ARHGAP26: variants seen among roughly 807,000 people sequenced by gnomAD.
ARHGAP26 encodes Rho GTPase activating protein 26, also known as rho GTPase-activating protein 26.
In ARHGAP26, 38 loss-of-function variants were observed where a neutral mutation model predicts 104.8. That is an observed-to-expected ratio of 0.36 (90% confidence interval 0.28 to 0.48). The LOEUF is 0.48. Ranked by LOEUF, ARHGAP26 falls within the 20% of genes least tolerant of loss-of-function variation. ARHGAP26 has a pLI of 0.99. For missense variants in ARHGAP26, 704 were observed against 947.9 expected (o/e 0.74, Z 3.38); for synonymous variants, 341 against 340.0 (o/e 1.00, Z -0.03).
Position 142,894,283 on chromosome 5 carries a change from TCC to T in ARHGAP26, c.534_535del (p.Leu179GlyfsTer16). 1 of 1,614,146 alleles carries T rather than the reference TCC, an allele frequency of 6.2e-7. No homozygotes were observed. The highest frequency in any genetic ancestry group is 8.5e-7 in the Non-Finnish European group (1 of 1,180,000). ...DLVRQHFYEV[S>X]LEYVFKVQEV... ...GGTCCGGCAGCATTTCTATGAAGTA[TCC>T]CTGGAATATGTCTTCAAGGTGCAGG... On this transcript the variant is annotated frameshift_variant, in exon 6 of 23. Coordinates refer to ENST00000645722, the MANE Select transcript of ARHGAP26 (RefSeq NM_001135608.3). LOFTEE classifies it high-confidence loss of function.
intron 1 of ARHGAP26, among the ~76,000 whole-genome samples, chr5:142,855,952 A>G (rs761955484): frequency 6.6e-6 from 1 of 152,238 alleles, no homozygotes; most frequent in African/African-American, 2.4e-5. Context: ...TCTTTATGGC[A>G]TAGTCTACTC....
intron 5 of ARHGAP26, among the ~76,000 whole-genome samples, chr5:142,889,317 C>T (rs887591311): frequency 1.3e-5 from 2 of 152,094 alleles, no homozygotes; most frequent in African/African-American, 2.4e-5. Context: ...ACTTTATATT[C>T]TAGTAGTCTA....
intron 14 of ARHGAP26, among the ~76,000 whole-genome samples, chr5:143,043,559 C>T (rs1027415382): frequency 1.3e-5 from 2 of 151,960 alleles, no homozygotes; most frequent in African/African-American, 2.4e-5. Flanking sequence ...GATAAATGTC[C>T]GAGTGTGCAA....
chr5:142,840,385 C>T (rs908484919), intron 1 of ARHGAP26, among the ~76,000 whole-genome samples: 3 of 151,988 alleles, frequency 2.0e-5, no homozygotes, highest in Non-Finnish European at 4.4e-5. Context: ...GAAATAAATC[C>T]TTAGTCTTTG....
chr5:142,801,982 A>G (rs1350202343), intron 1 of ARHGAP26, among the ~76,000 whole-genome samples: 1 of 152,198 alleles, frequency 6.6e-6, no homozygotes, highest in East Asian at 1.9e-4. Context: ...GAGAGAGGAT[A>G]AAAACTAGAT....
intron 12 of ARHGAP26, 95 bp downstream of exon 12, chr5:143,014,211 G>A (rs1779279933): frequency 2.8e-6 from 4 of 1,428,680 alleles, no homozygotes; most frequent in African/African-American, 1.4e-5. Context: ...GCGGTGCTGT[G>A]GGCGTGTTGG....
intron 1 of ARHGAP26, among the ~76,000 whole-genome samples, chr5:142,811,971 A>G (rs907162352): frequency 6.6e-6 from 1 of 152,182 alleles, no homozygotes; most frequent in African/African-American, 2.4e-5. Flanking sequence ...TAGCACTCGA[A>G]GAACTCCTGG....
intron 11 of ARHGAP26, among the ~76,000 whole-genome samples, chr5:143,007,058 A>T (rs1778078563): frequency 6.6e-6 from 1 of 151,950 alleles, no homozygotes; most frequent in Non-Finnish European, 1.5e-5. Flanking sequence ...AAAATACAAA[A>T]AATTAGCCAG....
At chr5:142,884,631 G>A (rs1167274474) in intron 4 of ARHGAP26, among the ~76,000 whole-genome samples, 1 of 152,178 alleles carries the variant, frequency 6.6e-6, no homozygotes, top group African/African-American at 2.4e-5. Context: ...CTTATTGGAT[G>A]TTCCGTACTT....
intron 11 of ARHGAP26, among the ~76,000 whole-genome samples, chr5:143,010,012 A>G (rs893099053): frequency 1.3e-5 from 2 of 152,208 alleles, no homozygotes; most frequent in Non-Finnish European, 2.9e-5. Context: ...GCTAATCATA[A>G]GACAAAGCTA....
rs1410915747 is a variant in ARHGAP26 at position 143,214,099 on chromosome 5, C to T, written c.2191+11C>T. 7 of 1,330,956 alleles carry T rather than the reference C, an allele frequency of 5.3e-6. No homozygotes were observed. The highest frequency in any genetic ancestry group is 7.3e-6 in the Non-Finnish European group (7 of 961,474). 82.4% of individuals were successfully genotyped at this position (1,330,956 alleles called of 1,614,324 possible). On this transcript the variant is annotated intron_variant, in intron 22 of 22. Coordinates refer to ENST00000645722, the MANE Select transcript of ARHGAP26 (RefSeq NM_001135608.3). Reference sequence around the variant, plus strand: ...CGGTCTTCGATAACGGTGAGTTTCTCATCCCCTCACAAAGATATGGGCGGG... The same window carrying T: ...CGGTCTTCGATAACGGTGAGTTTCTTATCCCCTCACAAAGATATGGGCGGG...
At chr5:142,852,254 G>A (rs995746956) in intron 1 of ARHGAP26, among the ~76,000 whole-genome samples, 1 of 152,258 alleles carries the variant, frequency 6.6e-6, no homozygotes, top group African/African-American at 2.4e-5. Context: ...GATCTCAGGT[G>A]GGAGTCATTC....
At chr5:143,103,370 G>GTCATATACCTCTGTTTGATTTCTTCA (rs1793538846) in intron 17 of ARHGAP26, 1 of 286,896 alleles carries the variant, frequency 3.5e-6, no homozygotes, top group African/African-American at 2.3e-5. Flanking sequence ...TTCAACCATT[G>GTCATATACCTCTGTTTGATTTCTTCA]TGGAAGACAG....
At chr5:143,170,473 A>G (rs1025451526) in intron 20 of ARHGAP26, 20 of 152,266 alleles carry the variant, frequency 1.3e-4, no homozygotes, top group African/African-American at 4.8e-4. Context: ...GGAAAATTCC[A>G]CCTCAGTTTG....
chr5:142,910,037 A>G (rs751500059), intron 9 of ARHGAP26, among the ~76,000 whole-genome samples: 1 of 152,230 alleles, frequency 6.6e-6, no homozygotes, highest in Non-Finnish European at 1.5e-5. Flanking sequence ...TTAGTATATA[A>G]AAATTTTTTG....
intron 11 of ARHGAP26, among the ~76,000 whole-genome samples, chr5:142,965,030 T>G (rs1413739764): frequency 6.6e-6 from 1 of 152,164 alleles, no homozygotes; most frequent in Non-Finnish European, 1.5e-5. Context: ...ACATGTCCAC[T>G]GGACAAGGGG....
chr5:142,888,959 T>G lies in ARHGAP26; in HGVS notation c.486+3560T>G, dbSNP rs544089428. ...TCAAGTGGCAGGCAGGGAAACTGTC[T>G]TGAGCGGTCTGCAGGGTGGGTTGGG... On this transcript the variant is annotated intron_variant, in intron 5 of 22. Transcript: ENST00000645722. Among the ~76,000 whole-genome samples, 3 of 152,312 alleles carry G rather than the reference T, an allele frequency of 2.0e-5. No individual in the cohort carries two copies. In the East Asian group the frequency reaches 5.8e-4, roughly 29 times the overall value.
At chr5:143,066,951 C>T (rs1787579444) in intron 17 of ARHGAP26, among the ~76,000 whole-genome samples, 1 of 152,014 alleles carries the variant, frequency 6.6e-6, no homozygotes. Flanking sequence ...TTCAAATGCT[C>T]TGTGGGGTGG....
chr5:143,022,290 C>T lies in ARHGAP26; in HGVS notation c.1144+8174C>T, dbSNP rs192376512. The stretch of plus-strand genomic sequence containing the variant: ...GTTTCACCATGTTGGCCAGGCTGGT[C>T]TCGGACTCCTGACCTCAGGTGATCC... On this transcript the variant is annotated intron_variant, in intron 12 of 22. Transcript: ENST00000645722. Among the ~76,000 whole-genome samples the T allele has an allele frequency of 8.9e-4, 136 of 152,250 alleles. 2 individuals are homozygous for T. The highest frequency in any genetic ancestry group is 1.6e-3 in the Non-Finnish European group (110 of 68,018).
Sources: allele counts gnomAD v4.1 joint callset (sites outside exome capture counted in the v4.1 genomes callset), GRCh38; gene constraint gnomAD v4.1.1; transcripts MANE v1.5; gene names NCBI Gene and HGNC (gene_info 2026-07-23, HGNC 2026-07-21).